Variants in ERGIC3 observed in about 807,000 individuals in gnomAD.
ERGIC3 encodes endoplasmic reticulum-Golgi intermediate compartment protein 3.
A neutral mutation model predicts 54.7 loss-of-function variants in ERGIC3; 33 were observed. That is an observed-to-expected ratio of 0.60 (90% CI 0.46 to 0.81). The LOEUF is 0.81. ERGIC3 is among the 30% of genes least tolerant of loss of function. The probability of loss-of-function intolerance (pLI) is 0.00; values close to 1 mark genes in which losing one functional copy is unlikely to be tolerated. For missense variants in ERGIC3, 399 were observed against 488.4 expected (o/e 0.82, Z 1.73); for synonymous variants, 186 against 189.8 (o/e 0.98, Z 0.16).
At chr20:35,554,957 G>T in intron 7 of ERGIC3, 87 bp from the exon 8 acceptor site, 1 of 1,474,816 alleles carries the variant, frequency 6.8e-7, no homozygotes, top group Non-Finnish European at 9.5e-7. Flanking sequence ...GAAGACAGGT[G>T]GTTTGCAGTC....
intron 7 of ERGIC3, among the ~76,000 whole-genome samples, chr20:35,551,986 A>G (rs2064684332): frequency 2.0e-5 from 3 of 152,212 alleles, no homozygotes; most frequent in Admixed American, 1.3e-4. Flanking sequence ...ATGTAGCAGA[A>G]TGTTAATATG....
Position 35,555,034 on chromosome 20 carries a change from TCTCTC to T in ERGIC3, c.686-7_686-3del. On this transcript the variant is annotated splice_polypyrimidine_tract_variant and splice_region_variant and intron_variant, in intron 7 of 12. Coordinates refer to ENST00000348547, the MANE Select transcript of ERGIC3 (RefSeq NM_015966.3). ...ACGCCTTCTCCCTTGCCTTCTCCCT[TCTCTC>T]CTAGTCCATGACTTGCAGAGCTTTG... The T allele has an allele frequency of 6.2e-7, 1 of 1,613,190 alleles. No individual in the cohort carries two copies. Among genetic ancestry groups the T allele is most frequent in the Admixed American group, 1.7e-5 (1 of 59,856 alleles).
In ERGIC3 at chr20:35,542,494, T is replaced by A. The variant is rs541109847; in HGVS notation, c.160-19T>A. ...GGAGAGGTTTGGGGCTAAGTCTTACTGAGGTAGCGCTGCCCCAGGTGCATC... is the reference window on the plus strand; with the variant it reads ...GGAGAGGTTTGGGGCTAAGTCTTACAGAGGTAGCGCTGCCCCAGGTGCATC... On this transcript the variant is annotated intron_variant, in intron 2 of 12. Transcript: ENST00000348547. 3.1e-6 allele frequency: 5 copies of A among 1,613,932 alleles called. No homozygotes were observed. Among genetic ancestry groups the A allele is most frequent in the African/African-American group, 2.7e-5 (2 of 75,030 alleles).
intron 4 of ERGIC3, among the ~76,000 whole-genome samples, chr20:35,545,914 A>G (rs1009498241): frequency 2.0e-5 from 3 of 152,206 alleles, no homozygotes; most frequent in Non-Finnish European, 4.4e-5. Context: ...AAACAACTGG[A>G]CTAAGAAAAC....
In ERGIC3 at chr20:35,555,109, G is replaced by T. The variant is rs138998958; in HGVS notation, c.717+34G>T. ...CAGATGGAAACCATGGAGGGCAGGT[G>T]GGGGTGGGAGGCTTGGTTGCTGCCT... On this transcript the variant is annotated intron_variant, in intron 8 of 12. Transcript: ENST00000348547. 1.3e-4 allele frequency: 215 copies of T among 1,605,248 alleles called. 5 individuals are homozygous for T. The Middle Eastern group carries it at 2.5e-3, about 19-fold the overall frequency.
At chr20:35,556,587 C>T (rs941157379) in intron 10 of ERGIC3, 11 of 499,528 alleles carry the variant, frequency 2.2e-5, no homozygotes, top group Non-Finnish European at 3.6e-5. Context: ...TCTGTGTACC[C>T]GCTCCCAAGG....
chr20:35,555,995 C>T (rs769121306), intron 8 of ERGIC3, 38 bp from the exon 9 acceptor site: 2 of 1,600,720 alleles, frequency 1.2e-6, no homozygotes, highest in South Asian at 1.1e-5. Flanking sequence ...CTACTGTCAT[C>T]AGAGCTTTGG....
intron 10 of ERGIC3, 69 bp downstream of exon 10, chr20:35,556,340 C>T (rs1276257611): frequency 1.9e-6 from 3 of 1,544,246 alleles, no homozygotes; most frequent in Admixed American, 1.7e-5. Context: ...GCATTTCGTT[C>T]CGTCAGCCTG....
chr20:35,556,182 A>T (rs964599582), intron 9 of ERGIC3, 25 bp from the exon 10 acceptor site: 20 of 1,613,896 alleles, frequency 1.2e-5, no homozygotes, highest in East Asian at 2.2e-5. Context: ...GGGCACCCAT[A>T]CCCAGTGCTT....
At chr20:35,553,019 G>GGTTTTTTTTTTTT (rs2064689546) in intron 7 of ERGIC3, among the ~76,000 whole-genome samples, 13 of 12,620 alleles carry the variant, frequency 1.0e-3, no homozygotes, top group Non-Finnish European at 2.2e-3. Flanking sequence ...CAAAGCTGGG[G>GGTTTTTTTTTTTT]ATTTTTTTTT....
At chr20:35,554,204 T>C (rs1025871436) in intron 7 of ERGIC3, among the ~76,000 whole-genome samples, 1 of 152,158 alleles carries the variant, frequency 6.6e-6, no homozygotes, top group Non-Finnish European at 1.5e-5. Context: ...CTGGCCAGAT[T>C]AGTTCACTCT....
At chr20:35,553,779 G>A (rs1011324238) in intron 7 of ERGIC3, among the ~76,000 whole-genome samples, 4 of 152,200 alleles carry the variant, frequency 2.6e-5, no homozygotes, top group Admixed American at 6.5e-5. Flanking sequence ...TCAGTGTCAA[G>A]CTGTTGGCAC....
chr20:35,548,266 C>T (rs1195740233), intron 5 of ERGIC3, among the ~76,000 whole-genome samples: 1 of 152,060 alleles, frequency 6.6e-6, no homozygotes, highest in African/African-American at 2.4e-5. Context: ...CACTTGAGCT[C>T]AGGAGTTTGA....
intron 4 of ERGIC3, chr20:35,544,197 G>A (rs998469448): frequency 2.2e-5 from 4 of 185,224 alleles, no homozygotes; most frequent in Admixed American, 1.2e-4. Flanking sequence ...TGGGATTACA[G>A]GCCTGTGCCA....
intron 10 of ERGIC3, 135 bp from the exon 11 acceptor site, chr20:35,556,838 C>A: frequency 7.9e-7 from 1 of 1,259,438 alleles, no homozygotes; most frequent in Non-Finnish European, 1.1e-6. Flanking sequence ...CAGTGCAGGC[C>A]ACTAGCACGG....
In ERGIC3 at chr20:35,557,050, C is replaced by T. The variant is rs200279726; in HGVS notation, c.957C>T (p.Pro319=). ...GGCTGTTGGGCGACCAAGGCCTTCC[C>T]GGAGTCTTCGTCCTCTATGAGCTCT... ...ANGLLGDQGL[P]GVFVLYELSP... The change falls in exon 11 of 13, where the codon CCC becomes CCT. Residue 319 remains proline, a synonymous_variant. Coordinates refer to ENST00000348547, the MANE Select transcript of ERGIC3 (RefSeq NM_015966.3). The T allele has an allele frequency of 6.1e-5, 99 of 1,614,264 alleles. No individual in the cohort carries two copies. In the Middle Eastern group the frequency reaches 1.6e-3, roughly 27 times the overall value.
chr20:35,555,132 C>T, intron 8 of ERGIC3, 57 bp downstream of exon 8: 2 of 1,591,948 alleles, frequency 1.3e-6, no homozygotes, highest in African/African-American at 1.3e-5. Flanking sequence ...TTGGTTGCTG[C>T]CTTCATTTCC....
rs535254607 is a variant in ERGIC3 at position 35,550,338 on chromosome 20, G to A, written c.685+1473G>A. 1.8e-4 allele frequency among the ~76,000 whole-genome samples: 28 copies of A among 151,952 alleles called. 1 individual carries two copies. The East Asian group carries it at 4.7e-3, about 25-fold the overall frequency. ...GCTTAGAAATGAAGTGAGAGAGGCC[G>A]GGTGCAGTAGCTCATACCTGTAATC... is the stretch of plus-strand genomic sequence containing the variant. On this transcript the variant is annotated intron_variant, in intron 7 of 12. Transcript: ENST00000348547.
intron 7 of ERGIC3, among the ~76,000 whole-genome samples, chr20:35,550,485 A>G (rs2064675644): frequency 6.6e-6 from 1 of 152,110 alleles, no homozygotes; most frequent in South Asian, 2.1e-4. Context: ...GTGTGGTGGC[A>G]CACGCCTGTA....
Sources: allele counts gnomAD v4.1 joint callset (sites outside exome capture counted in the v4.1 genomes callset), GRCh38; gene constraint gnomAD v4.1.1; transcripts MANE v1.5; gene names NCBI Gene and HGNC (gene_info 2026-07-23, HGNC 2026-07-21).